Variants in SHISA6 observed in about 807,000 individuals in gnomAD.
SHISA6 encodes shisa family member 6.
In SHISA6, 22 loss-of-function variants were observed where a neutral mutation model predicts 47.9. The observed-to-expected ratio is 0.46, with a 90% CI of 0.33 to 0.66. The LOEUF (loss-of-function observed/expected upper bound fraction) is 0.66, where lower values mean the gene tolerates loss of function less well. Ranked by LOEUF, SHISA6 falls within the 30% of genes least tolerant of loss-of-function variation. The probability of loss-of-function intolerance (pLI) is 0.02; values close to 1 mark genes in which losing one functional copy is unlikely to be tolerated. For missense variants in SHISA6, 680 were observed against 764.6 expected, an observed-to-expected ratio of 0.89 and a Z score of 1.30; for synonymous variants, 388 against 337.8, an observed-to-expected ratio of 1.15 and a Z score of -1.63.
intron 3 of SHISA6, among the ~76,000 whole-genome samples, chr17:11,520,860 A>G (rs1164977193): frequency 6.6e-6 from 1 of 152,218 alleles, no homozygotes; most frequent in East Asian, 1.9e-4. Flanking sequence ...CAGCCTTATC[A>G]CTATGAGCAA....
chr17:11,363,841 T>C (rs572823286), intron 2 of SHISA6, among the ~76,000 whole-genome samples: 1 of 152,286 alleles, frequency 6.6e-6, no homozygotes, highest in South Asian at 2.1e-4. Flanking sequence ...CCTCCCCTTT[T>C]CTAGAAATTT....
intron 4 of SHISA6, among the ~76,000 whole-genome samples, chr17:11,552,204 A>G (rs2071937831): frequency 6.6e-6 from 1 of 152,190 alleles, no homozygotes; most frequent in South Asian, 2.1e-4. Context: ...GGCTAGACCC[A>G]TTTCTACTTG....
At position 11,558,353 on chromosome 17, in the gene SHISA6, G is replaced by C; in HGVS notation, c.*49G>C. 1 of 1,499,680 alleles carries C rather than the reference G, an allele frequency of 6.7e-7. No individual in the cohort carries two copies. The highest frequency in any genetic ancestry group is 2.5e-5 in the East Asian group (1 of 40,598). The allele number at this position is 1,499,680 out of a possible 1,614,324, so 92.9% of individuals were successfully genotyped here. A position where few individuals can be genotyped will look rare whatever the true frequency, so the allele number is the denominator to read the frequency against. ...CTGGGCGTGGCAGAGCAGAGCGGGGGCCGGGAGGGGCCAGGAGCAGAGCTT... is the reference window on the plus strand; with the variant it reads ...CTGGGCGTGGCAGAGCAGAGCGGGGCCCGGGAGGGGCCAGGAGCAGAGCTT... On this transcript the variant is annotated 3_prime_UTR_variant, in exon 6 of 6. Transcript: ENST00000441885.
In SHISA6 at chr17:11,281,279, G is replaced by C. The variant is rs111580177; in HGVS notation, c.799+17753G>C. Reference sequence around the variant, plus strand: ...AGCAGTCTTTTGCATTGTGATGTTAGTTCTATGTATTTTGGAGATGCCCTT... The same window carrying C: ...AGCAGTCTTTTGCATTGTGATGTTACTTCTATGTATTTTGGAGATGCCCTT... On this transcript the variant is annotated intron_variant, in intron 2 of 5. Coordinates refer to ENST00000441885, the MANE Select transcript of SHISA6 (RefSeq NM_207386.4). Among the ~76,000 whole-genome samples the C allele has an allele frequency of 5.9e-3, 893 of 152,210 alleles. 8 individuals carry two copies. The highest frequency in any genetic ancestry group is 0.02 in the African/African-American group (839 of 41,546).
At chr17:11,390,031 C>T (rs1441111205) in intron 3 of SHISA6, among the ~76,000 whole-genome samples, 1 of 152,200 alleles carries the variant, frequency 6.6e-6, no homozygotes, top group Non-Finnish European at 1.5e-5. Context: ...GACTGGTGTT[C>T]TCAGGGCATC....
At chr17:11,510,172 T>C (rs1303903795) in intron 3 of SHISA6, among the ~76,000 whole-genome samples, 1 of 151,620 alleles carries the variant, frequency 6.6e-6, no homozygotes, top group Non-Finnish European at 1.5e-5. Flanking sequence ...ACTGACCCCT[T>C]CCCGAAGCTC....
At chr17:11,256,218 G>A (rs980973375) in intron 1 of SHISA6, among the ~76,000 whole-genome samples, 20 of 152,278 alleles carry the variant, frequency 1.3e-4, no homozygotes, top group Admixed American at 1.3e-3. Flanking sequence ...ACACCGGCCG[G>A]GCACGGTGGC....
chr17:11,312,767 A>G lies in SHISA6; in HGVS notation c.799+49241A>G, dbSNP rs187809830. Among the ~76,000 whole-genome samples, 542 of 152,334 alleles carry G rather than the reference A, an allele frequency of 3.6e-3. 6 individuals carry two copies. Among genetic ancestry groups the G allele is most frequent in the South Asian group, 0.014 (69 of 4,830 alleles). On this transcript the variant is annotated intron_variant, in intron 2 of 5. Transcript: ENST00000441885. Reference sequence around the variant, plus strand: ...TCTTTTTAAATGGTCATTTTATAATATGGAATAAATGTATCAAATCATTCC... The same window carrying G: ...TCTTTTTAAATGGTCATTTTATAATGTGGAATAAATGTATCAAATCATTCC...
intron 3 of SHISA6, among the ~76,000 whole-genome samples, chr17:11,404,139 A>G (rs1185072774): frequency 6.6e-6 from 1 of 152,230 alleles, no homozygotes; most frequent in Non-Finnish European, 1.5e-5. Flanking sequence ...AGACTCAGTA[A>G]AAGCTCGTGA....
intron 2 of SHISA6, among the ~76,000 whole-genome samples, chr17:11,274,144 G>A (rs987280074): frequency 6.6e-6 from 1 of 152,162 alleles, no homozygotes; most frequent in African/African-American, 2.4e-5. Flanking sequence ...TGGCCAGAAA[G>A]GACCCATCCC....
chr17:11,376,753 C>T (rs1912815330), intron 2 of SHISA6, among the ~76,000 whole-genome samples: 1 of 152,214 alleles, frequency 6.6e-6, no homozygotes, highest in African/African-American at 2.4e-5. Context: ...TGACCTATCA[C>T]TGGTCCAAAC....
intron 3 of SHISA6, among the ~76,000 whole-genome samples, chr17:11,485,522 T>C (rs1383021203): frequency 1.3e-5 from 2 of 152,088 alleles, no homozygotes; most frequent in Non-Finnish European, 2.9e-5. Flanking sequence ...ATGCTGGACA[T>C]CCCAGGAAAC....
chr17:11,338,009 C>T (rs551959837), intron 2 of SHISA6, among the ~76,000 whole-genome samples: 12 of 152,146 alleles, frequency 7.9e-5, no homozygotes, highest in Non-Finnish European at 1.8e-4. Flanking sequence ...GCATGTGTAT[C>T]AATCAGGGGC....
At chr17:11,463,253 G>A (rs1162078916) in intron 3 of SHISA6, among the ~76,000 whole-genome samples, 1 of 152,174 alleles carries the variant, frequency 6.6e-6, no homozygotes, top group African/African-American at 2.4e-5. Context: ...GGATCAAGGA[G>A]ATAATGTTTG....
At chr17:11,467,701 A>T (rs1346522112) in intron 3 of SHISA6, among the ~76,000 whole-genome samples, 2 of 152,186 alleles carry the variant, frequency 1.3e-5, no homozygotes, top group Non-Finnish European at 2.9e-5. Flanking sequence ...AAGGGATTAA[A>T]GGGCCTCTTC....
At chr17:11,263,567 G>A (rs1030650203) in intron 2 of SHISA6, 41 bp downstream of exon 2, 28 of 1,549,488 alleles carry the variant, frequency 1.8e-5, no homozygotes, top group Non-Finnish European at 2.4e-5. Context: ...GCTGAGGCTG[G>A]TGAGAGGTTT....
intron 1 of SHISA6, among the ~76,000 whole-genome samples, chr17:11,246,265 TG>T (rs1373338580): frequency 6.6e-6 from 1 of 151,432 alleles, no homozygotes; most frequent in Non-Finnish European, 1.5e-5. Context: ...CCAGAGTGGG[TG>T]GATCATTAGG....
At chr17:11,307,133 T>C (rs1213643496) in intron 2 of SHISA6, among the ~76,000 whole-genome samples, 1 of 103,082 alleles carries the variant, frequency 9.7e-6, no homozygotes, top group Non-Finnish European at 2.0e-5. Context: ...TATTTTTGTT[T>C]GTTTGTTTTC....
intron 2 of SHISA6, among the ~76,000 whole-genome samples, chr17:11,344,735 G>C (rs1433769610): frequency 6.6e-6 from 1 of 151,902 alleles, no homozygotes; most frequent in Non-Finnish European, 1.5e-5. Flanking sequence ...ATCAAATCAG[G>C]GTAATTAGCA....
Sources: allele counts gnomAD v4.1 joint callset (sites outside exome capture counted in the v4.1 genomes callset), GRCh38; gene constraint gnomAD v4.1.1; transcripts MANE v1.5; gene names NCBI Gene and HGNC (gene_info 2026-07-23, HGNC 2026-07-21).